The following SORCS2 variants were observed in gnomAD, a reference collection of about 807,000 sequenced individuals.
SORCS2 encodes VPS10 domain-containing receptor SorCS2.
In SORCS2, 100 loss-of-function variants were observed where a neutral mutation model predicts 141.6. That is an observed-to-expected ratio of 0.71 (90% confidence interval 0.60 to 0.83). SORCS2 has a LOEUF of 0.83. Among genes scored for constraint, SORCS2 ranks in the 40% least tolerant of loss-of-function variants. The pLI, the probability that SORCS2 is intolerant of heterozygous loss-of-function variation, is 0.00. For synonymous variants in SORCS2, 789 were observed against 676.9 expected, an observed-to-expected ratio of 1.17 and a Z score of -2.57; for missense variants, 1,646 against 1,560.2, an observed-to-expected ratio of 1.05 and a Z score of -0.93.
At chr4:7,446,748 A>T (rs1728028123) in intron 2 of SORCS2, among the ~76,000 whole-genome samples, 1 of 152,198 alleles carries the variant, frequency 6.6e-6, no homozygotes, top group Non-Finnish European at 1.5e-5. Flanking sequence ...TGTGCCAGGC[A>T]TCCCTTAGCA....
intron 14 of SORCS2, among the ~76,000 whole-genome samples, chr4:7,706,323 C>CTGGGCAGGGATGAGGCTGGGCTCT (rs1560498865): frequency 0.04 from 1,000 of 24,998 alleles, 368 homozygotes; most frequent in Middle Eastern, 0.077. Flanking sequence ...GGCTGGGCTC[C>CTGGGCAGGGATGAGGCTGGGCTCT]GTCTGGGCAG....
intron 23 of SORCS2, among the ~76,000 whole-genome samples, chr4:7,730,640 G>T (rs1711586134): frequency 6.6e-6 from 1 of 152,188 alleles, no homozygotes; most frequent in South Asian, 2.1e-4. Context: ...AGTTGCAAAA[G>T]ACCACGTAGC....
At chr4:7,583,834 A>T (rs1453759631) in intron 3 of SORCS2, among the ~76,000 whole-genome samples, 1 of 152,134 alleles carries the variant, frequency 6.6e-6, no homozygotes, top group Non-Finnish European at 1.5e-5. Context: ...AGCACTTTAC[A>T]CCCATGAAGC....
intron 14 of SORCS2, among the ~76,000 whole-genome samples, chr4:7,712,488 A>G (rs1181853934): frequency 2.6e-5 from 4 of 152,208 alleles, no homozygotes; most frequent in Non-Finnish European, 4.4e-5. Flanking sequence ...ACGCAGTGCA[A>G]TTGACAAGTC....
chr4:7,720,036 C>T (rs540995416), intron 18 of SORCS2, among the ~76,000 whole-genome samples: 3 of 152,144 alleles, frequency 2.0e-5, no homozygotes, highest in Admixed American at 1.3e-4. Flanking sequence ...CTGGTACACA[C>T]GCTCACACAT....
chr4:7,637,461 G>A (rs981005189), intron 3 of SORCS2, among the ~76,000 whole-genome samples: 8 of 152,314 alleles, frequency 5.3e-5, no homozygotes, highest in Middle Eastern at 3.4e-3. Context: ...CAGGGTCTTT[G>A]AGCGCTCACC....
chr4:7,425,068 C>T (rs1726333106), intron 2 of SORCS2, among the ~76,000 whole-genome samples: 1 of 152,192 alleles, frequency 6.6e-6, no homozygotes, highest in Admixed American at 6.5e-5. Flanking sequence ...CGGGAGGTGC[C>T]AGATTCCACA....
chr4:7,228,083 C>A (rs1312170058), intron 1 of SORCS2, among the ~76,000 whole-genome samples: 2 of 152,186 alleles, frequency 1.3e-5, no homozygotes, highest in African/African-American at 2.4e-5. Context: ...GCTTCCACAG[C>A]AGAGGCTGAT....
intron 1 of SORCS2, among the ~76,000 whole-genome samples, chr4:7,293,318 A>G (rs534042065): frequency 2.0e-5 from 3 of 151,240 alleles, no homozygotes; most frequent in Middle Eastern, 3.4e-3. Flanking sequence ...AAAAAAAAAA[A>G]GAAATGGTGC....
intron 2 of SORCS2, among the ~76,000 whole-genome samples, chr4:7,524,267 C>T (rs1192773433): frequency 1.3e-5 from 2 of 152,178 alleles, no homozygotes; most frequent in Non-Finnish European, 2.9e-5. Context: ...TGGCGCAATG[C>T]AGCCTCAATC....
At chr4:7,333,718 T>C (rs922646434) in intron 1 of SORCS2, among the ~76,000 whole-genome samples, 5 of 152,224 alleles carry the variant, frequency 3.3e-5, no homozygotes, top group African/African-American at 1.2e-4. Context: ...CCAAGCCTGT[T>C]ATTTTCATCT....
intron 2 of SORCS2, among the ~76,000 whole-genome samples, chr4:7,398,335 G>A (rs780583390): frequency 6.6e-6 from 1 of 152,212 alleles, no homozygotes. Context: ...GAGAGCCTCC[G>A]TCTCCATGTC....
At chr4:7,631,308 C>A (rs1200603339) in intron 3 of SORCS2, among the ~76,000 whole-genome samples, 1 of 150,752 alleles carries the variant, frequency 6.6e-6, no homozygotes, top group Non-Finnish European at 1.5e-5. Flanking sequence ...GGATGCAGGT[C>A]AGGGAGGCAG....
At chr4:7,684,777 C>T (rs1015839856) in intron 10 of SORCS2, among the ~76,000 whole-genome samples, 1 of 152,220 alleles carries the variant, frequency 6.6e-6, no homozygotes, top group Non-Finnish European at 1.5e-5. Flanking sequence ...TGGGATTCCA[C>T]CTGGCACACA....
intron 1 of SORCS2, among the ~76,000 whole-genome samples, chr4:7,283,048 C>T (rs1430652338): frequency 6.6e-6 from 1 of 152,184 alleles, no homozygotes; most frequent in African/African-American, 2.4e-5. Context: ...TTCATTCACT[C>T]ATTCATTCAC....
intron 3 of SORCS2, among the ~76,000 whole-genome samples, chr4:7,628,248 C>T (rs907239898): frequency 3.3e-5 from 5 of 152,100 alleles, no homozygotes; most frequent in Admixed American, 1.3e-4. Flanking sequence ...TTCGGCCAGG[C>T]GCGGTGGCTC....
chr4:7,461,510 C>G (rs976696608), intron 2 of SORCS2, among the ~76,000 whole-genome samples: 1 of 152,226 alleles, frequency 6.6e-6, no homozygotes, highest in Non-Finnish European at 1.5e-5. Context: ...GGACTCACGC[C>G]GCACTGTGCT....
At chr4:7,364,279 C>T (rs1721752633) in intron 1 of SORCS2, among the ~76,000 whole-genome samples, 1 of 152,250 alleles carries the variant, frequency 6.6e-6, no homozygotes, top group Non-Finnish European at 1.5e-5. Context: ...TGAATCCACT[C>T]TCAGGCAGCT....
At chr4:7,393,638 G>C (rs896751838) in intron 1 of SORCS2, among the ~76,000 whole-genome samples, 1 of 152,112 alleles carries the variant, frequency 6.6e-6, no homozygotes, top group Non-Finnish European at 1.5e-5. Flanking sequence ...GTGGCTCCTG[G>C]GGGCATGGGG....
Sources: allele counts gnomAD v4.1 joint callset (sites outside exome capture counted in the v4.1 genomes callset), GRCh38; gene constraint gnomAD v4.1.1; transcripts MANE v1.5; gene names NCBI Gene and HGNC (gene_info 2026-07-23, HGNC 2026-07-21).